Variants in TENM4 observed in about 807,000 individuals in gnomAD.
The protein encoded by TENM4 is teneurin transmembrane protein 4.
Under a neutral mutation model 243.3 loss-of-function variants are expected in TENM4, and 82 were observed. That is an observed-to-expected ratio of 0.34 (90% confidence interval 0.28 to 0.40). The LOEUF (loss-of-function observed/expected upper bound fraction) is 0.40. Among genes scored for constraint, TENM4 ranks in the 10% least tolerant of loss-of-function variants. TENM4 has a pLI of 1.00. For synonymous variants in TENM4, 1,412 were observed against 1,456.3 expected (o/e 0.97, Z 0.69); for missense variants, 3,138 against 3,673.3 (o/e 0.85, Z 3.77).
chr11:79,232,137 C>A (rs1317667719), intron 2 of TENM4, among the ~76,000 whole-genome samples: 1 of 152,036 alleles, frequency 6.6e-6, no homozygotes, highest in African/African-American at 2.4e-5. Flanking sequence ...ATAAATAAAA[C>A]CCCACTACTC....
chr11:78,885,334 G>T (rs1855526899), intron 9 of TENM4, among the ~76,000 whole-genome samples: 1 of 152,190 alleles, frequency 6.6e-6, no homozygotes, highest in Non-Finnish European at 1.5e-5. Flanking sequence ...ATCCTCAGTG[G>T]CTGTCCTTCT....
Position 79,069,977 on chromosome 11 carries a change from A to T in TENM4, c.-33T>A. On this transcript the variant is annotated 5_prime_UTR_variant, in exon 5 of 34. Coordinates refer to ENST00000278550, the MANE Select transcript of TENM4 (RefSeq NM_001098816.3). ...GGCCCGCGCTCCTCCACATCCACAAACAGGGTCCTCGCCGCACTCAGGGCC... is the reference window on the plus strand; with the variant it reads ...GGCCCGCGCTCCTCCACATCCACAATCAGGGTCCTCGCCGCACTCAGGGCC... 1 of 1,539,000 alleles carries T rather than the reference A, an allele frequency of 6.5e-7. No homozygotes were observed. Among genetic ancestry groups the T allele is most frequent in the African/African-American group, 1.4e-5 (1 of 72,722 alleles).
At chr11:78,997,435 A>G (rs1858203335) in intron 6 of TENM4, among the ~76,000 whole-genome samples, 1 of 152,240 alleles carries the variant, frequency 6.6e-6, no homozygotes, top group African/African-American at 2.4e-5. Context: ...TTCAACAAAG[A>G]AAGTTGGAAA....
chr11:78,872,001 G>A (rs1859143080), intron 9 of TENM4, among the ~76,000 whole-genome samples: 1 of 152,168 alleles, frequency 6.6e-6, no homozygotes, highest in East Asian at 1.9e-4. Context: ...AAGTTAGATA[G>A]TATTAGTAAC....
rs566284517 is a variant in TENM4 at position 78,976,414 on chromosome 11, TA to T, written c.494-72892del. Among the ~76,000 whole-genome samples the T allele has an allele frequency of 3.4e-3, 504 of 149,948 alleles. 1 individual carries two copies. The highest frequency in any genetic ancestry group is 0.011 in the African/African-American group (452 of 40,992). On this transcript the variant is annotated intron_variant, in intron 6 of 33. Coordinates refer to ENST00000278550, the MANE Select transcript of TENM4 (RefSeq NM_001098816.3). ...ATCTGTTATATTTCAATAAAAAGTT[TA>T]AAAAAAAAACCAGAAAGCCATGTGG...
intron 2 of TENM4, among the ~76,000 whole-genome samples, chr11:79,297,036 C>T (rs1233209486): frequency 6.6e-6 from 1 of 152,206 alleles, no homozygotes; most frequent in East Asian, 1.9e-4. Flanking sequence ...AGTTAAGTGG[C>T]TTGCCTAAGG....
intron 2 of TENM4, among the ~76,000 whole-genome samples, chr11:79,274,514 T>C (rs1234886022): frequency 6.6e-6 from 1 of 152,254 alleles, no homozygotes; most frequent in Admixed American, 6.5e-5. Flanking sequence ...ATCTTCTTTA[T>C]ATTTTTCCAG....
intron 18 of TENM4, among the ~76,000 whole-genome samples, chr11:78,758,181 G>C (rs1279876048): frequency 6.6e-6 from 1 of 152,182 alleles, no homozygotes. Context: ...TCAAATTCTG[G>C]CTCTGCTGCG....
At chr11:79,058,133 CAAAG>C (rs1380878698) in intron 6 of TENM4, among the ~76,000 whole-genome samples, 1 of 152,094 alleles carries the variant, frequency 6.6e-6, no homozygotes, top group African/African-American at 2.4e-5. Flanking sequence ...CTAATATTGA[CAAAG>C]AAGTTTATAT....
intron 2 of TENM4, among the ~76,000 whole-genome samples, chr11:79,263,620 C>T (rs1855834518): frequency 6.6e-6 from 1 of 152,212 alleles, no homozygotes; most frequent in Non-Finnish European, 1.5e-5. Context: ...CTGCTGAGAA[C>T]TCCTTCACAC....
At chr11:79,215,016 G>T (rs1864022596) in intron 3 of TENM4, among the ~76,000 whole-genome samples, 1 of 152,204 alleles carries the variant, frequency 6.6e-6, no homozygotes, top group African/African-American at 2.4e-5. Context: ...TATCTTGAAA[G>T]ATTGCTGGAA....
intron 2 of TENM4, among the ~76,000 whole-genome samples, chr11:79,287,162 G>C (rs1856271050): frequency 6.6e-6 from 1 of 152,220 alleles, no homozygotes; most frequent in South Asian, 2.1e-4. Context: ...TTATAAACGA[G>C]AAGACTAAGT....
In TENM4 at chr11:78,672,222, C is replaced by T. The variant is rs778190541; in HGVS notation, c.5604G>A (p.Ala1868=). ...KFTLRILYDQ[A]GRPSLWSPSS... ...TGGGTGACCAGAGGCTGGGCCGCCC[C>T]GCCTGGTCGTACAGAATCCGAAGGG... The change falls in exon 31 of 34, where the codon GCG becomes GCA. Residue 1868 remains alanine, a synonymous_variant. Transcript: ENST00000278550. 2.0e-5 allele frequency: 33 copies of T among 1,613,942 alleles called. No homozygotes were observed. Among genetic ancestry groups the T allele is most frequent in the Middle Eastern group, 1.6e-4 (1 of 6,084 alleles).
At chr11:78,825,598 C>G (rs1857832504) in intron 12 of TENM4, among the ~76,000 whole-genome samples, 1 of 152,192 alleles carries the variant, frequency 6.6e-6, no homozygotes, top group African/African-American at 2.4e-5. Flanking sequence ...GCAGAAAGAT[C>G]TAAACTACCC....
intron 18 of TENM4, among the ~76,000 whole-genome samples, chr11:78,768,953 A>G (rs924984529): frequency 2.6e-5 from 4 of 152,222 alleles, no homozygotes; most frequent in African/African-American, 9.7e-5. Flanking sequence ...GAGAGAATCA[A>G]TGAGCCTTGT....
At chr11:79,039,462 AC>A (rs762072155) in intron 6 of TENM4, among the ~76,000 whole-genome samples, 2 of 152,188 alleles carry the variant, frequency 1.3e-5, no homozygotes, top group Non-Finnish European at 2.9e-5. Flanking sequence ...GCAAGAAGAT[AC>A]CTTTTGACTT....
chr11:78,845,129 G>T (rs2136183333), intron 12 of TENM4, among the ~76,000 whole-genome samples: 1 of 152,246 alleles, frequency 6.6e-6, no homozygotes, highest in Non-Finnish European at 1.5e-5. Flanking sequence ...TGTTGGCCCA[G>T]GCCACATTAT....
Position 79,208,191 on chromosome 11 carries a change from C to T in TENM4, c.-163+7617G>A, listed in dbSNP as rs373169811. ...CAGAGGCTAACAGCAACCAGAATAC[C>T]CATTCCAGTGGGGCAGACAGAACAC... On this transcript the variant is annotated intron_variant, in intron 3 of 33. Transcript: ENST00000278550. Among the ~76,000 whole-genome samples, 10 of 152,226 alleles carry T rather than the reference C, an allele frequency of 6.6e-5. No homozygotes were observed. The East Asian group carries it at 9.7e-4, about 15-fold the overall frequency.
intron 32 of TENM4, 140 bp downstream of exon 32, chr11:78,668,797 C>A: frequency 1.8e-6 from 2 of 1,109,446 alleles, no homozygotes; most frequent in Non-Finnish European, 2.5e-6. Context: ...TTTCTTCAAA[C>A]GGACTTTGGA....
Sources: allele counts gnomAD v4.1 joint callset (sites outside exome capture counted in the v4.1 genomes callset), GRCh38; gene constraint gnomAD v4.1.1; transcripts MANE v1.5; gene names NCBI Gene and HGNC (gene_info 2026-07-23, HGNC 2026-07-21).